Variants in KLHL1 observed in about 807,000 individuals in gnomAD.
KLHL1 encodes the protein kelch-like protein 1.
A neutral mutation model predicts 77.7 loss-of-function variants in KLHL1; 47 were observed. That is an observed-to-expected ratio of 0.60 (90% CI 0.48 to 0.77). The LOEUF is 0.77. Ranked by LOEUF, KLHL1 falls within the 30% of genes least tolerant of loss-of-function variation. KLHL1 has a pLI of 0.00. For missense variants in KLHL1, 925 were observed against 910.8 expected, an observed-to-expected ratio of 1.02 and a Z score of -0.20; for synonymous variants, 360 against 325.2, an observed-to-expected ratio of 1.11 and a Z score of -1.15.
intron 1 of KLHL1, among the ~76,000 whole-genome samples, chr13:70,029,063 G>A (rs563297192): frequency 4.3e-4 from 65 of 151,852 alleles, no homozygotes; most frequent in African/African-American, 8.9e-4. Flanking sequence ...ATCAGTAACC[G>A]CTATATAATG....
At chr13:69,836,613 CTAAG>C (rs1052744587) in intron 6 of KLHL1, among the ~76,000 whole-genome samples, 17 of 151,972 alleles carry the variant, frequency 1.1e-4, no homozygotes, top group African/African-American at 2.7e-4. Context: ...TTCTGTTACT[CTAAG>C]TGTTTGCCTA....
At chr13:70,013,684 A>T (rs1182934100) in intron 1 of KLHL1, among the ~76,000 whole-genome samples, 2 of 152,186 alleles carry the variant, frequency 1.3e-5, no homozygotes, top group African/African-American at 4.8e-5. Context: ...CATTTTAAAT[A>T]CTATAAAATA....
chr13:69,853,356 G>A (rs1029489638), intron 5 of KLHL1, among the ~76,000 whole-genome samples: 2 of 152,002 alleles, frequency 1.3e-5, no homozygotes, highest in Non-Finnish European at 2.9e-5. Context: ...TCTCCTTCCT[G>A]CCACCATATG....
At chr13:69,997,673 T>C (rs1208693426) in intron 1 of KLHL1, among the ~76,000 whole-genome samples, 2 of 92,658 alleles carry the variant, frequency 2.2e-5, no homozygotes, top group Non-Finnish European at 4.6e-5. Flanking sequence ...ATATTATATA[T>C]AATATTACTT....
intron 5 of KLHL1, among the ~76,000 whole-genome samples, chr13:69,853,132 A>C (rs79010026): frequency 0.012 from 1,861 of 152,058 alleles, 42 homozygotes; most frequent in African/African-American, 0.042. Context: ...TCAAAACAAG[A>C]ACTGTTAAAC....
chr13:69,738,849 C>T (rs1490233973), intron 8 of KLHL1, among the ~76,000 whole-genome samples: 1 of 152,132 alleles, frequency 6.6e-6, no homozygotes, highest in African/African-American at 2.4e-5. Context: ...TCCAGGAGAA[C>T]TTTTCCAACT....
intron 8 of KLHL1, among the ~76,000 whole-genome samples, chr13:69,738,286 G>A (rs1861948323): frequency 1.3e-5 from 2 of 151,688 alleles, no homozygotes; most frequent in South Asian, 4.2e-4. Flanking sequence ...ATGAAGATGA[G>A]AAAGAATCTA....
Position 70,108,246 on chromosome 13 carries a change from T to C in KLHL1, c.-547A>G, listed in dbSNP as rs1380145791. On this transcript the variant is annotated 5_prime_UTR_variant, in exon 1 of 11. Transcript: ENST00000377844. ...GAAGCGTACCCCTCGCCAGATCTCT[T>C]GGTGCACCTGCGCCCCTGTCCCTGG... The C allele has an allele frequency of 1.3e-5, 5 of 386,720 alleles. No homozygotes were observed. The highest frequency in any genetic ancestry group is 1.8e-5 in the Non-Finnish European group (4 of 219,356). 24.0% of individuals were successfully genotyped at this position (386,720 alleles called of 1,614,324 possible). A position where few individuals can be genotyped will look rare whatever the true frequency, so the allele number is the denominator to read the frequency against.
intron 6 of KLHL1, among the ~76,000 whole-genome samples, chr13:69,816,548 G>A (rs1360787903): frequency 1.3e-5 from 2 of 151,738 alleles, no homozygotes; most frequent in East Asian, 1.9e-4. Context: ...TACAGGCACC[G>A]TGCCTGGCCT....
chr13:70,084,650 A>ATTTTTTTTTTTTTTTTT (rs1887486259), intron 1 of KLHL1, among the ~76,000 whole-genome samples: 3 of 14,430 alleles, frequency 2.1e-4, no homozygotes, highest in Non-Finnish European at 4.2e-4. Flanking sequence ...TTTTTTTTTG[A>ATTTTTTTTTTTTTTTTT]ATTTTTAGTA....
intron 7 of KLHL1, among the ~76,000 whole-genome samples, chr13:69,773,278 A>G (rs1473003026): frequency 2.0e-5 from 3 of 152,100 alleles, no homozygotes; most frequent in African/African-American, 4.8e-5. Flanking sequence ...TATGTTCACC[A>G]TGTGTAATGA....
At chr13:69,799,030 A>C (rs753523905) in intron 6 of KLHL1, among the ~76,000 whole-genome samples, 1 of 152,118 alleles carries the variant, frequency 6.6e-6, no homozygotes, top group African/African-American at 2.4e-5. Context: ...CAGAGGTTGC[A>C]GTGAGCTGAG....
At chr13:69,784,866 A>G (rs1452096614) in intron 7 of KLHL1, among the ~76,000 whole-genome samples, 10 of 149,704 alleles carry the variant, frequency 6.7e-5, no homozygotes, top group Non-Finnish European at 6.0e-5. Flanking sequence ...CTCCACCCCA[A>G]ATCAACAGAA....
intron 8 of KLHL1, among the ~76,000 whole-genome samples, chr13:69,721,784 C>T (rs865984864): frequency 4.6e-5 from 7 of 151,986 alleles, no homozygotes; most frequent in South Asian, 2.1e-4. Flanking sequence ...TCCCTTGATG[C>T]GTGTAATACC....
chr13:70,069,317 G>A (rs1205576235), intron 1 of KLHL1, among the ~76,000 whole-genome samples: 1 of 152,208 alleles, frequency 6.6e-6, no homozygotes, highest in Non-Finnish European at 1.5e-5. Flanking sequence ...AGGGGCACCA[G>A]AAGGAGTCTT....
At chr13:70,041,841 G>A (rs1566525535) in intron 1 of KLHL1, among the ~76,000 whole-genome samples, 1 of 152,098 alleles carries the variant, frequency 6.6e-6, no homozygotes. Context: ...AGAATACCAT[G>A]CTTGCTACTT....
chr13:69,984,589 T>C (rs1884811480), intron 1 of KLHL1, among the ~76,000 whole-genome samples: 1 of 152,148 alleles, frequency 6.6e-6, no homozygotes, highest in Admixed American at 6.6e-5. Flanking sequence ...CTCCTCTAGC[T>C]AGTCTGTAAA....
At chr13:69,774,487 T>C (rs150747181) in intron 7 of KLHL1, among the ~76,000 whole-genome samples, 1,814 of 152,172 alleles carry the variant, frequency 0.012, 15 homozygotes, top group Non-Finnish European at 0.019. Context: ...CCATATCCTC[T>C]CTCTCTTCTC....
intron 4 of KLHL1, among the ~76,000 whole-genome samples, chr13:69,936,095 G>A (rs1883180178): frequency 6.6e-6 from 1 of 152,142 alleles, no homozygotes; most frequent in Admixed American, 6.5e-5. Context: ...TATTTCTTGG[G>A]CATGAATGAA....
Sources: allele counts gnomAD v4.1 joint callset (sites outside exome capture counted in the v4.1 genomes callset), GRCh38; gene constraint gnomAD v4.1.1; transcripts MANE v1.5; gene names NCBI Gene and HGNC (gene_info 2026-07-23, HGNC 2026-07-21).